KATNB1: variants seen among roughly 807,000 people sequenced by gnomAD.
The protein encoded by KATNB1 is katanin p80 WD40 repeat-containing subunit B1.
A neutral mutation model predicts 82.3 loss-of-function variants in KATNB1; 38 were observed. The observed-to-expected ratio is 0.46, with a 90% CI of 0.36 to 0.61. The LOEUF is 0.61. Among genes scored for constraint, KATNB1 ranks in the 20% least tolerant of loss-of-function variants. The pLI, the probability that KATNB1 is intolerant of heterozygous loss-of-function variation, is 0.00. For synonymous variants in KATNB1, 361 were observed against 368.7 expected, an observed-to-expected ratio of 0.98 and a Z score of 0.24; for missense variants, 749 against 915.7, an observed-to-expected ratio of 0.82 and a Z score of 2.35.
In KATNB1 at chr16:57,735,808, G is replaced by C; in HGVS notation, c.-314G>C. 6.6e-6 allele frequency: 1 copy of C among 152,648 alleles called. No individual in the cohort carries two copies. Among genetic ancestry groups the C allele is most frequent in the South Asian group, 2.0e-4 (1 of 4,944 alleles). The allele number at this position is 152,648 out of a possible 1,614,324, so 9.5% of individuals were successfully genotyped here. ...TCAAGGCAGGGGATGGAGGCAAGTG[G>C]GGGTCGCGCCTGGAGCGGAGCCTCG... On this transcript the variant is annotated 5_prime_UTR_variant, in exon 1 of 20. Coordinates refer to ENST00000379661, the MANE Select transcript of KATNB1 (RefSeq NM_005886.3).
chr16:57,742,015 G>A (rs1364881835), intron 3 of KATNB1, among the ~76,000 whole-genome samples, 198 bp downstream of exon 3: 2 of 152,208 alleles, frequency 1.3e-5, no homozygotes, highest in Admixed American at 6.5e-5. Context: ...GCTCAGTGAG[G>A]CCCAGGACAG....
Position 57,755,896 on chromosome 16 carries a change from T to C in KATNB1, c.1622T>C (p.Leu541Pro). The change falls in exon 17 of 20, where the codon CTG becomes CCG. Residue 541 changes from leucine to proline, a missense_variant. Transcript: ENST00000379661. ...INDLSVVVDL[L>P]NIVNQKASLW... ...GACCTGTCGGTGGTGGTGGACCTCC[T>C]GAACATCGTCAACCAGAAAGCGTAA... is the stretch of plus-strand genomic sequence containing the variant. The C allele has an allele frequency of 1.3e-6, 2 of 1,598,606 alleles. No homozygotes were observed. Among genetic ancestry groups the C allele is most frequent in the Non-Finnish European group, 1.7e-6 (2 of 1,168,034 alleles).
intron 10 of KATNB1, 68 bp downstream of exon 10, chr16:57,752,996 CCCT>C: frequency 1.3e-6 from 2 of 1,593,046 alleles, no homozygotes; most frequent in Non-Finnish European, 8.5e-7. Context: ...CAGCCCAGGC[CCCT>C]CCTCCTACCC....
intron 3 of KATNB1, among the ~76,000 whole-genome samples, chr16:57,743,800 A>G (rs2049161290): frequency 6.6e-6 from 1 of 152,196 alleles, no homozygotes; most frequent in Non-Finnish European, 1.5e-5. Flanking sequence ...ATTTTTGAGT[A>G]TGGGATACAC....
chr16:57,753,422 C>T lies in KATNB1; in HGVS notation c.1080C>T (p.Ser360=), dbSNP rs1555584367. 1 of 1,612,992 alleles carries T rather than the reference C, an allele frequency of 6.2e-7. No homozygotes were observed. The highest frequency in any genetic ancestry group is 1.1e-5 in the South Asian group (1 of 91,080). Residue 360 remains serine (S), a synonymous_variant, in exon 12 of 20, where the codon AGC becomes AGT. Coordinates refer to ENST00000379661, the MANE Select transcript of KATNB1 (RefSeq NM_005886.3). ...AGAACTCAGAGAGCGAGCGCCGCAG[C>T]CCCAGCAGCGAGGATGACCGGGACG... The part of the protein sequence containing the change: ...VKQNSESERR[S]PSSEDDRDER...
intron 4 of KATNB1, among the ~76,000 whole-genome samples, chr16:57,746,353 T>C (rs149710001): frequency 4.0e-4 from 59 of 148,316 alleles, no homozygotes; most frequent in Non-Finnish European, 8.4e-4. Context: ...TTCCTTCCTC[T>C]CTCTCTCTCT....
At position 57,753,160 on chromosome 16, in the gene KATNB1, G is replaced by T; in HGVS notation, c.939G>T (p.Arg313=). 1 of 1,610,956 alleles carries T rather than the reference G, an allele frequency of 6.2e-7. No individual in the cohort carries two copies. The change falls in exon 11 of 20, where the codon CGG becomes CGT. Residue 313 remains arginine (R), a synonymous_variant. Transcript: ENST00000379661. ...TCACCAGGACTGGCACGGTGGCCCG[G>T]GACCCTGTGCAGGACCACCGGCCCC... The part of the protein sequence containing the change: ...TRVTRTGTVA[R]DPVQDHRPLA...
At chr16:57,745,487 C>T (rs1276475661) in intron 4 of KATNB1, among the ~76,000 whole-genome samples, 3 of 150,172 alleles carry the variant, frequency 2.0e-5, no homozygotes, top group South Asian at 2.1e-4. Context: ...CACCTGAACC[C>T]GGGAGGTGGG....
chr16:57,741,147 G>A (rs1555579315), intron 2 of KATNB1, among the ~76,000 whole-genome samples: 3 of 152,218 alleles, frequency 2.0e-5, no homozygotes, highest in Non-Finnish European at 1.5e-5. Context: ...TTACCTGGGG[G>A]CAGCTTGTCT....
At chr16:57,752,486 G>C in intron 8 of KATNB1, 44 bp from the exon 9 acceptor site, 1 of 1,531,864 alleles carries the variant, frequency 6.5e-7, no homozygotes, top group Non-Finnish European at 8.9e-7. Flanking sequence ...GTGGAGGCCA[G>C]GATGAGGGAT....
chr16:57,744,340 C>T, intron 3 of KATNB1, 54 bp from the exon 4 acceptor site: 1 of 1,457,894 alleles, frequency 6.9e-7, no homozygotes, highest in Non-Finnish European at 9.6e-7. Flanking sequence ...ATTCAGGGCG[C>T]AACTGCAGGG....
chr16:57,755,778 T>C (rs782042785), intron 16 of KATNB1, 63 bp from the exon 17 acceptor site: 70 of 1,480,572 alleles, frequency 4.7e-5, no homozygotes, highest in Non-Finnish European at 6.3e-5. Context: ...ACCCCCACCC[T>C]CACCCTCACA....
chr16:57,737,391 C>A lies in KATNB1; in HGVS notation c.40+108C>A, dbSNP rs562510037. 3.4e-5 allele frequency: 42 copies of A among 1,243,392 alleles called. No individual in the cohort carries two copies. In the South Asian group the frequency reaches 4.4e-4, roughly 13 times the overall value. The allele number at this position is 1,243,392 out of a possible 1,614,324, so 77.0% of individuals were successfully genotyped here. A position where few individuals can be genotyped will look rare whatever the true frequency, so the allele number is the denominator to read the frequency against. ...TTCCTGTTCTTGGCACAGGAGGAGA[C>A]TCCTAGACTTGGGAGTAAGATAGAC... On this transcript the variant is annotated intron_variant, in intron 2 of 19. Transcript: ENST00000379661.
chr16:57,748,788 C>T (rs1199710500), intron 4 of KATNB1, among the ~76,000 whole-genome samples: 1 of 152,262 alleles, frequency 6.6e-6, no homozygotes, highest in African/African-American at 2.4e-5. Flanking sequence ...CCCACGGGAT[C>T]TCACAGGAGG....
At chr16:57,755,616 C>T in intron 16 of KATNB1, 122 bp downstream of exon 16, 1 of 1,288,312 alleles carries the variant, frequency 7.8e-7, no homozygotes. Flanking sequence ...TAGGCCATCC[C>T]TGACGTCACA....
chr16:57,755,613 T>C, intron 16 of KATNB1, 119 bp downstream of exon 16: 1 of 1,305,996 alleles, frequency 7.7e-7, no homozygotes, highest in Non-Finnish European at 1.0e-6. Context: ...GGATAGGCCA[T>C]CCCTGACGTC....
Position 57,755,180 on chromosome 16 carries a change from C to T in KATNB1, c.1358C>T (p.Ala453Val), listed in dbSNP as rs148485253. Residue 453 changes from alanine to valine, a missense_variant, in exon 15 of 20, where the codon GCC (alanine) becomes GTC (valine). Physicochemically the swap from Ala to Val is moderately conservative, Grantham distance 64. This residue lies in a region of KATNB1 where 407 missense variants were observed against 434.7 expected (regional missense o/e 0.94). Coordinates refer to ENST00000379661, the MANE Select transcript of KATNB1 (RefSeq NM_005886.3). Reference sequence around the variant, plus strand: ...ACACCTGCACCCAAGGCTGAGCCTGCCATCATCCCTGCCACCCGGAACGAG... The same window carrying T: ...ACACCTGCACCCAAGGCTGAGCCTGTCATCATCCCTGCCACCCGGAACGAG... ...ASTPAPKAEPAIIPATRNEPI... is the reference protein window; with the variant it reads ...ASTPAPKAEPVIIPATRNEPI... The T allele has an allele frequency of 7.4e-4, 1,192 of 1,612,422 alleles. 2 individuals carry two copies. The highest frequency in any genetic ancestry group is 9.7e-4 in the Non-Finnish European group (1,139 of 1,179,924).
Position 57,753,869 on chromosome 16 carries a change from G to T in KATNB1, c.1178-76G>T. 4 of 1,403,830 alleles carry T rather than the reference G, an allele frequency of 2.8e-6. No individual in the cohort carries two copies. The South Asian group carries it at 3.5e-5, about 12-fold the overall frequency. 87.0% of individuals were successfully genotyped at this position (1,403,830 alleles called of 1,614,324 possible). A position where few individuals can be genotyped will look rare whatever the true frequency, so the allele number is the denominator to read the frequency against. ...GCCTGGGAGCTACCCTCCGTCCCCCGCACTCTGGACAGGGCCCTGGGTCCC... is the reference window on the plus strand; with the variant it reads ...GCCTGGGAGCTACCCTCCGTCCCCCTCACTCTGGACAGGGCCCTGGGTCCC... On this transcript the variant is annotated intron_variant, in intron 12 of 19. Coordinates refer to ENST00000379661, the MANE Select transcript of KATNB1 (RefSeq NM_005886.3).
intron 2 of KATNB1, among the ~76,000 whole-genome samples, chr16:57,739,067 G>A (rs558757728): frequency 6.6e-6 from 1 of 152,202 alleles, no homozygotes; most frequent in African/African-American, 2.4e-5. Context: ...GGAGGCCATG[G>A]GCAGTGGCAC....
Sources: gnomAD v4.1 joint callset for allele counts (sites outside exome capture counted in the v4.1 genomes callset) on GRCh38, gnomAD v4.1.1 for gene constraint, gnomAD v4.1.1 regional missense constraint, MANE v1.5 for transcripts, NCBI Gene and HGNC (gene_info 2026-07-23, HGNC 2026-07-21) for gene names.